Variants in ITGB5 observed in about 807,000 individuals in gnomAD.
The protein encoded by ITGB5 is integrin beta-5.
In ITGB5, 38 loss-of-function variants were observed where a neutral mutation model predicts 84.8. The observed-to-expected ratio is 0.45, with a 90% CI of 0.35 to 0.59. The LOEUF is 0.59. ITGB5 is among the 20% of genes least tolerant of loss of function. The probability of loss-of-function intolerance (pLI) is 0.01; values close to 1 mark genes in which losing one functional copy is unlikely to be tolerated. For missense variants in ITGB5, 905 were observed against 1,034.5 expected (o/e 0.87, Z 1.72); for synonymous variants, 393 against 414.4 (o/e 0.95, Z 0.63).
At chr3:124,851,731 G>A (rs1300977693) in intron 3 of ITGB5, among the ~76,000 whole-genome samples, 2 of 152,082 alleles carry the variant, frequency 1.3e-5, no homozygotes, top group East Asian at 1.9e-4. Context: ...AAGAAAGATG[G>A]TAACACCACT....
intron 14 of ITGB5, 101 bp from the exon 15 acceptor site, chr3:124,763,819 C>A: frequency 1.5e-6 from 1 of 675,856 alleles, no homozygotes; most frequent in Non-Finnish European, 2.7e-6. Context: ...CAGCCCCCTG[C>A]GACAGCAGCA....
chr3:124,787,255 G>C (rs2064095021), intron 10 of ITGB5, among the ~76,000 whole-genome samples: 1 of 152,128 alleles, frequency 6.6e-6, no homozygotes, highest in African/African-American at 2.4e-5. Context: ...AGAATCACAG[G>C]TGAATTGTTG....
chr3:124,828,608 G>A (rs147648920), intron 5 of ITGB5, among the ~76,000 whole-genome samples: 40 of 152,296 alleles, frequency 2.6e-4, no homozygotes, highest in Middle Eastern at 3.4e-3. Flanking sequence ...AGTTGCTTTC[G>A]TGAGTGTACA....
chr3:124,823,605 T>A (rs1230895814), intron 5 of ITGB5, among the ~76,000 whole-genome samples: 1 of 149,644 alleles, frequency 6.7e-6, no homozygotes, highest in Non-Finnish European at 1.5e-5. Context: ...TATGAGCATT[T>A]ATCGAGATGT....
upstream of ITGB5, chr3:124,887,626 T>C (rs996953145): frequency 2.3e-6 from 1 of 428,714 alleles, no homozygotes; most frequent in African/African-American, 2.0e-5. Flanking sequence ...TCGAAACCAC[T>C]GAGTAGAGCC....
chr3:124,785,441 C>T (rs1446944062), intron 10 of ITGB5, among the ~76,000 whole-genome samples: 1 of 151,934 alleles, frequency 6.6e-6, no homozygotes, highest in African/African-American at 2.4e-5. Context: ...AAAAATTAGC[C>T]AGGTGTGGTG....
At chr3:124,766,445 C>T in intron 12 of ITGB5, 100 bp from the exon 13 acceptor site, 10 of 1,431,480 alleles carry the variant, frequency 7.0e-6, no homozygotes, top group South Asian at 2.7e-5. Context: ...AAGGAAAGGG[C>T]ATGGGGGGTG....
rs949139539 is a variant in ITGB5 at position 124,886,153 on chromosome 3, A to G, written c.70+778T>C. On this transcript the variant is annotated intron_variant, in intron 1 of 14. Coordinates refer to ENST00000296181, the MANE Select transcript of ITGB5 (RefSeq NM_002213.5). ...CCCACCGCAGCGTCGGGCTAAGGCA[A>G]TCTCCACAGCCCCTGTCCTCTGCTC... is the stretch of plus-strand genomic sequence containing the variant. 1.8e-4 allele frequency among the ~76,000 whole-genome samples: 27 copies of G among 152,328 alleles called. No homozygotes were observed. In the East Asian group the frequency reaches 4.6e-3, roughly 26 times the overall value.
rs2064626788 is a variant in ITGB5 at position 124,817,717 on chromosome 3, A to G, written c.1039-7T>C. ...GTATCAGGGCTGTAAAATTCTTGGG[A>G]AAAAAAGTAAAGAAAAGAAATAAGT... On this transcript the variant is annotated splice_region_variant and splice_polypyrimidine_tract_variant and intron_variant, in intron 7 of 14. Transcript: ENST00000296181. 8 of 1,516,250 alleles carry G rather than the reference A, an allele frequency of 5.3e-6. No homozygotes were observed. The highest frequency in any genetic ancestry group is 7.3e-6 in the Non-Finnish European group (8 of 1,102,134). 93.9% of individuals were successfully genotyped at this position (1,516,250 alleles called of 1,614,324 possible). A position where few individuals can be genotyped will look rare whatever the true frequency, so the allele number is the denominator to read the frequency against.
chr3:124,777,794 A>G (rs961779270), intron 10 of ITGB5, among the ~76,000 whole-genome samples: 12 of 152,252 alleles, frequency 7.9e-5, no homozygotes, highest in Admixed American at 7.2e-4. Context: ...ACAGACAGTC[A>G]AAAGCTACAT....
At chr3:124,863,084 T>C (rs1019975487) in intron 2 of ITGB5, 3 of 152,242 alleles carry the variant, frequency 2.0e-5, no homozygotes, top group South Asian at 4.2e-4. Context: ...CTATCATCAG[T>C]GTCAAAGTTC....
upstream of ITGB5, chr3:124,887,631 A>C (rs375497711): frequency 2.1e-3 from 933 of 440,374 alleles, 13 homozygotes; most frequent in South Asian, 0.014. Context: ...ACCACTGAGT[A>C]GAGCCCGCTC....
intron 4 of ITGB5, among the ~76,000 whole-genome samples, chr3:124,846,268 G>A (rs2065076262): frequency 6.6e-6 from 1 of 152,118 alleles, no homozygotes; most frequent in Non-Finnish European, 1.5e-5. Flanking sequence ...GGAGAGGGGA[G>A]GGCTCAGGGA....
chr3:124,764,614 C>A, intron 13 of ITGB5, 57 bp from the exon 14 acceptor site: 1 of 1,536,962 alleles, frequency 6.5e-7, no homozygotes, highest in Admixed American at 1.8e-5. Context: ...GCCCCTCTCA[C>A]GCAACTGCAG....
intron 1 of ITGB5, among the ~76,000 whole-genome samples, chr3:124,874,128 G>A (rs1012865603): frequency 5.3e-5 from 8 of 150,586 alleles, no homozygotes; most frequent in Admixed American, 1.3e-4. Flanking sequence ...CAACATTTTG[G>A]AGGCGAAAGC....
intron 10 of ITGB5, among the ~76,000 whole-genome samples, chr3:124,782,974 C>CTTTT (rs11370689): frequency 0.047 from 7,143 of 151,540 alleles, 247 homozygotes; most frequent in South Asian, 0.087. Flanking sequence ...CCCTTTCTTT[C>CTTTT]TTTTTTTTCT....
At chr3:124,811,259 T>C (rs925623232) in intron 8 of ITGB5, among the ~76,000 whole-genome samples, 5 of 152,184 alleles carry the variant, frequency 3.3e-5, no homozygotes, top group African/African-American at 9.7e-5. Flanking sequence ...GATCTCTCTG[T>C]GACTTAGTAC....
chr3:124,896,746 TAAA>T (rs34601718), intron 1 of ITGB5, among the ~76,000 whole-genome samples: 2 of 124,566 alleles, frequency 1.6e-5, no homozygotes, highest in Admixed American at 1.7e-4. Flanking sequence ...GACCTTGTCT[TAAA>T]AAAAAAAAAA....
Position 124,779,376 on chromosome 3 carries a change from G to T in ITGB5, c.1694-5464C>A, listed in dbSNP as rs2063969918. 2.6e-5 allele frequency among the ~76,000 whole-genome samples: 4 copies of T among 152,146 alleles called. No individual in the cohort carries two copies. The South Asian group carries it at 8.3e-4, about 32-fold the overall frequency. On this transcript the variant is annotated intron_variant, in intron 10 of 14. Coordinates refer to ENST00000296181, the MANE Select transcript of ITGB5 (RefSeq NM_002213.5). Reference sequence around the variant, plus strand: ...AGCCAAAGGCAGTACTGGGGGGCGAGAAACGTGTGACCTGGGTGTGGGAGG... The same window carrying T: ...AGCCAAAGGCAGTACTGGGGGGCGATAAACGTGTGACCTGGGTGTGGGAGG...
Sources: allele counts gnomAD v4.1 joint callset (sites outside exome capture counted in the v4.1 genomes callset), GRCh38; gene constraint gnomAD v4.1.1; transcripts MANE v1.5; gene names NCBI Gene and HGNC (gene_info 2026-07-23, HGNC 2026-07-21).